The following U2AF2 variants were observed in gnomAD, a reference collection of about 807,000 sequenced individuals.
The protein encoded by U2AF2 is U2 small nuclear RNA auxiliary factor 2.
U2AF2 carries 6 observed loss-of-function variants against 52.6 expected under a neutral mutation model. That is an observed-to-expected ratio of 0.11 (90% CI 0.06 to 0.23). The LOEUF (loss-of-function observed/expected upper bound fraction) is 0.23. U2AF2 is among the 10% of genes least tolerant of loss of function. The pLI is 1.00. For missense variants in U2AF2, 222 were observed against 677.1 expected (o/e 0.33, Z 7.46); for synonymous variants, 284 against 258.2 (o/e 1.10, Z -0.96).
chr19:55,659,196 TCA>T lies in U2AF2; in HGVS notation c.50-12_50-11del. 1 of 1,541,806 alleles carries T rather than the reference TCA, an allele frequency of 6.5e-7. No homozygotes were observed. The highest frequency in any genetic ancestry group is 2.4e-5 in the East Asian group (1 of 41,162). ...CTCCGCTTATCCCGTGCCCCTCCTC[TCA>T]CCCTTGCCCAGAGCGGGACAAGGAG... is the stretch of plus-strand genomic sequence containing the variant. On this transcript the variant is annotated splice_polypyrimidine_tract_variant and intron_variant, in intron 1 of 11. Coordinates refer to ENST00000308924, the MANE Select transcript of U2AF2 (RefSeq NM_007279.3).
rs184021253 is a variant in U2AF2, at chr19:55,658,061, C to G, written c.50-1149C>G. Among the ~76,000 whole-genome samples the G allele has an allele frequency of 1.2e-3, 179 of 152,264 alleles. 1 individual carries two copies. Among genetic ancestry groups the G allele is most frequent in the Middle Eastern group, 6.8e-3 (2 of 294 alleles). ...GAATTGTGATGCTTTTCCAGACATT[C>G]ACATTGCATCGCAAAAACGTGAGAC... On this transcript the variant is annotated intron_variant, in intron 1 of 11. Coordinates refer to ENST00000308924, the MANE Select transcript of U2AF2 (RefSeq NM_007279.3).
In U2AF2 at chr19:55,674,307, A is replaced by G; in HGVS notation, c.*239A>G. On this transcript the variant is annotated 3_prime_UTR_variant, in exon 12 of 12. Coordinates refer to ENST00000308924, the MANE Select transcript of U2AF2 (RefSeq NM_007279.3). ...CAGCCCACACAGACAACACGCACCC[A>G]CACAGACACAGAGGGAAGGGGTTGG... is the stretch of plus-strand genomic sequence containing the variant. 1 of 502,890 alleles carries G rather than the reference A, an allele frequency of 2.0e-6. No individual in the cohort carries two copies. Among genetic ancestry groups the G allele is most frequent in the East Asian group, 3.6e-5 (1 of 27,518 alleles). The allele number at this position is 502,890 out of a possible 1,614,324, so 31.2% of individuals were successfully genotyped here. A position where few individuals can be genotyped will look rare whatever the true frequency, so the allele number is the denominator to read the frequency against.
At chr19:55,659,852 C>G (rs1984053241) in intron 2 of U2AF2, among the ~76,000 whole-genome samples, 1 of 152,084 alleles carries the variant, frequency 6.6e-6, no homozygotes, top group Non-Finnish European at 1.5e-5. Context: ...CTCTTCCCTT[C>G]TAGGCTCCCC....
Position 55,660,526 on chromosome 19 carries a change from C to G in U2AF2, c.241C>G (p.Arg81Gly). ...TCCCACCTCCCCCAGTCGTTCCCCC[C>G]GCCACGAGAAGAAGAAGAAGGTCCG... ...EEHGGLIRSP[R>G]HEKKKKVRKY... The change falls in exon 4 of 12, where the codon CGC (arginine) becomes GGC (glycine). Residue 81 changes from arginine to glycine, a missense_variant. By Grantham distance (125) the Arg-to-Gly change is moderately radical. This residue lies in a region of U2AF2 where 100 missense variants were observed against 144.1 expected (regional missense o/e 0.69). Transcript: ENST00000308924. 6.2e-7 allele frequency: 1 copy of G among 1,604,454 alleles called. No homozygotes were observed. Among genetic ancestry groups the G allele is most frequent in the Non-Finnish European group, 8.5e-7 (1 of 1,174,928 alleles).
chr19:55,656,631 C>T (rs1369343761), intron 1 of U2AF2, among the ~76,000 whole-genome samples: 2 of 152,234 alleles, frequency 1.3e-5, no homozygotes, highest in Admixed American at 6.5e-5. Flanking sequence ...AAACTCTTAG[C>T]ATGTTTTACT....
chr19:55,668,617 C>CCCCCA lies in U2AF2; in HGVS notation c.822+36_822+40dup. 1 of 1,596,918 alleles carries CCCCCA rather than the reference C, an allele frequency of 6.3e-7. No individual in the cohort carries two copies. The highest frequency in any genetic ancestry group is 8.6e-7 in the Non-Finnish European group (1 of 1,167,846). On this transcript the variant is annotated intron_variant, in intron 8 of 11. Transcript: ENST00000308924. This position sits in a 1 kb window ranked among gnomAD's most constrained non-coding sequence, Gnocchi z 5.5. ...TTCCCTGCCTCCCTCCAGACCCGTC[C>CCCCCA]CCCCACCCCGCCCCACCTCATCCCA...
At chr19:55,655,430 C>T (rs1983720557) in intron 1 of U2AF2, among the ~76,000 whole-genome samples, 2 of 152,198 alleles carry the variant, frequency 1.3e-5, no homozygotes, top group African/African-American at 4.8e-5. Flanking sequence ...GCGGGGGACG[C>T]GGCACGAGCG....
At chr19:55,660,886 G>A in intron 4 of U2AF2, 152 bp from the exon 5 acceptor site, 1 of 1,299,326 alleles carries the variant, frequency 7.7e-7, no homozygotes, top group Non-Finnish European at 1.0e-6. Flanking sequence ...CTGGGTGGGG[G>A]CCCCGAGGGT....
intron 1 of U2AF2, among the ~76,000 whole-genome samples, chr19:55,658,195 C>T (rs974536691): frequency 7.2e-5 from 11 of 152,110 alleles, no homozygotes; most frequent in Non-Finnish European, 1.2e-4. Flanking sequence ...TATATAAGCA[C>T]CTTAACGTGT....
chr19:55,663,558 A>G (rs1984354589), intron 6 of U2AF2, 48 bp from the exon 7 acceptor site: 1 of 1,601,540 alleles, frequency 6.2e-7, no homozygotes, highest in Admixed American at 1.7e-5. Flanking sequence ...TAGGGGCTGT[A>G]CTAGTCCCTG....
chr19:55,668,830 T>C lies in U2AF2; in HGVS notation c.945+38T>C. On this transcript the variant is annotated intron_variant, in intron 9 of 11. Coordinates refer to ENST00000308924, the MANE Select transcript of U2AF2 (RefSeq NM_007279.3). This position sits in a 1 kb window ranked among gnomAD's most constrained non-coding sequence, Gnocchi z 5.5. ...TCGCTGGCCGCTGCCGCGTCTGTCC[T>C]TCCCTGCCCTGCGCTGTTGCCAAGC... is the stretch of plus-strand genomic sequence containing the variant. 6.3e-7 allele frequency: 1 copy of C among 1,592,002 alleles called. No individual in the cohort carries two copies.
chr19:55,659,275 CGCCGGA>C lies in U2AF2; in HGVS notation c.126_131del (p.Ser43_Arg44del). 2.5e-6 allele frequency: 4 copies of C among 1,602,590 alleles called. No homozygotes were observed. The highest frequency in any genetic ancestry group is 2.6e-6 in the Non-Finnish European group (3 of 1,174,002). On this transcript the variant is annotated inframe_deletion, in exon 2 of 12. Transcript: ENST00000308924. ...CCGCTCTCGGAGCCGGGACCGCAAA[CGCCGGA>C]GCCGGAGCCGCGACCGGCGCAACCG...
In U2AF2 at chr19:55,661,232, A is replaced by G; in HGVS notation, c.486+43A>G. On this transcript the variant is annotated intron_variant, in intron 5 of 11. Transcript: ENST00000308924. ...CCCCTACCCTCTCCCTTGTCCCTCTACCCCGTTCCTCCCCTTCCCTCCATT... is the reference window on the plus strand; with the variant it reads ...CCCCTACCCTCTCCCTTGTCCCTCTGCCCCGTTCCTCCCCTTCCCTCCATT... The G allele has an allele frequency of 2.1e-6, 3 of 1,450,010 alleles. No homozygotes were observed. The Admixed American group carries it at 6.4e-5, about 31-fold the overall frequency. 89.8% of individuals were successfully genotyped at this position (1,450,010 alleles called of 1,614,324 possible). A position where few individuals can be genotyped will look rare whatever the true frequency, so the allele number is the denominator to read the frequency against.
Position 55,668,498 on chromosome 19 carries a change from T to C in U2AF2, c.743-9T>C, listed in dbSNP as rs778039817. On this transcript the variant is annotated splice_polypyrimidine_tract_variant and intron_variant, in intron 7 of 11. Coordinates refer to ENST00000308924, the MANE Select transcript of U2AF2 (RefSeq NM_007279.3). This position sits in a 1 kb window ranked among gnomAD's most constrained non-coding sequence, Gnocchi z 5.5. Reference sequence around the variant, plus strand: ...CTGGAATTGAAGTCCTCCTCTTCTCTACCCATAGGGGTTGTGTCCACTGTG... The same window carrying C: ...CTGGAATTGAAGTCCTCCTCTTCTCCACCCATAGGGGTTGTGTCCACTGTG... 9.5e-6 allele frequency: 15 copies of C among 1,579,604 alleles called. No homozygotes were observed. The highest frequency in any genetic ancestry group is 1.8e-5 in the Admixed American group (1 of 56,368).
intron 11 of U2AF2, 25 bp downstream of exon 11, chr19:55,669,717 T>G: frequency 3.2e-6 from 5 of 1,568,428 alleles, no homozygotes; most frequent in Non-Finnish European, 3.5e-6. Flanking sequence ...GGCTCAGTGC[T>G]CTCTCACCCT....
intron 11 of U2AF2, chr19:55,670,818 A>T (rs1020755521): frequency 1.2e-5 from 2 of 165,586 alleles, no homozygotes; most frequent in African/African-American, 4.8e-5. Flanking sequence ...CCACATAGTG[A>T]GGTTGGGGGT....
intron 3 of U2AF2, 78 bp downstream of exon 3, chr19:55,660,299 C>G: frequency 6.6e-7 from 1 of 1,511,300 alleles, no homozygotes; most frequent in Non-Finnish European, 9.0e-7. Flanking sequence ...CCTGTCCCGC[C>G]CATTTCCAGC....
Position 55,669,547 on chromosome 19 carries a change from T to C in U2AF2, c.1148T>C (p.Met383Thr). Residue 383 changes from methionine to threonine, a missense_variant, in exon 11 of 12, where the codon ATG becomes ACG. Transcript: ENST00000308924. ...HPTEVLCLMN[M>T]VLPEELLDDE... Reference sequence around the variant, plus strand: ...ACTGAGGTCCTGTGCCTCATGAACATGGTGCTGCCTGAGGAGCTGCTGGAC... The same window carrying C: ...ACTGAGGTCCTGTGCCTCATGAACACGGTGCTGCCTGAGGAGCTGCTGGAC... 6.2e-7 allele frequency: 1 copy of C among 1,613,844 alleles called. No homozygotes were observed. Among genetic ancestry groups the C allele is most frequent in the Non-Finnish European group, 8.5e-7 (1 of 1,179,876 alleles).
chr19:55,664,596 G>A (rs961162473), intron 7 of U2AF2, among the ~76,000 whole-genome samples: 4 of 152,168 alleles, frequency 2.6e-5, no homozygotes, highest in African/African-American at 4.8e-5. Flanking sequence ...CTCACTGTTC[G>A]AGGAGCCCTT....
Sources: allele counts gnomAD v4.1 joint callset (sites outside exome capture counted in the v4.1 genomes callset), GRCh38; gene constraint gnomAD v4.1.1; regional missense constraint gnomAD v4.1.1; non-coding constraint Gnocchi (gnomAD v3.1); transcripts MANE v1.5; gene names NCBI Gene and HGNC (gene_info 2026-07-23, HGNC 2026-07-21).